The following FILIP1 variants were observed in gnomAD, a reference collection of about 807,000 sequenced individuals.
FILIP1 encodes filamin-A-interacting protein 1.
A neutral mutation model predicts 102.1 loss-of-function variants in FILIP1; 61 were observed. The observed-to-expected ratio is 0.60, with a 90% CI of 0.49 to 0.74. FILIP1 has a LOEUF of 0.74. Among genes scored for constraint, FILIP1 ranks in the 30% least tolerant of loss-of-function variants. The pLI is 0.00. For synonymous variants in FILIP1, 491 were observed against 526.9 expected (o/e 0.93, Z 0.93); for missense variants, 1,314 against 1,441.2 (o/e 0.91, Z 1.43).
rs774954276 is a variant in FILIP1 at position 75,414,929 on chromosome 6, T to C, written c.44A>G (p.His15Arg). Residue 15 changes from histidine to arginine, a missense_variant, in exon 2 of 6, where the codon CAT (histidine) becomes CGT (arginine). Physicochemically the swap from His to Arg is conservative, Grantham distance 29 (BLOSUM62 0). Around this residue, in one of 3 missense-constraint regions of FILIP1, gnomAD observed 494 missense variants for 511.2 expected, o/e 0.97. Coordinates refer to ENST00000237172, the MANE Select transcript of FILIP1 (RefSeq NM_015687.5). ...GATGGAGGGCTTGGGACAGGAGATA[T>C]GCCCATCAGATGCACTTTCACCACC... ...NQGGESASDG[H>R]ISCPKPSIIG... 3.7e-6 allele frequency: 6 copies of C among 1,613,762 alleles called. No individual in the cohort carries two copies. Among genetic ancestry groups the C allele is most frequent in the East Asian group, 2.2e-5 (1 of 44,876 alleles).
chr6:75,436,854 T>C (rs896842542), intron 1 of FILIP1, among the ~76,000 whole-genome samples: 1 of 152,212 alleles, frequency 6.6e-6, no homozygotes, highest in Non-Finnish European at 1.5e-5. Context: ...AAGGACTTGA[T>C]TGGTAGCATT....
At chr6:75,436,367 G>GA (rs1055766327) in intron 1 of FILIP1, among the ~76,000 whole-genome samples, 228 of 146,962 alleles carry the variant, frequency 1.6e-3, no homozygotes, top group Non-Finnish European at 2.6e-3. Context: ...CCTGTCTCAG[G>GA]AAAAAAAAAA....
intron 1 of FILIP1, among the ~76,000 whole-genome samples, chr6:75,461,894 A>G (rs1358836392): frequency 6.6e-6 from 1 of 152,166 alleles, no homozygotes; most frequent in Admixed American, 6.5e-5. Flanking sequence ...GGCAATAGGA[A>G]GTATTTTCTC....
intron 4 of FILIP1, among the ~76,000 whole-genome samples, chr6:75,333,408 T>C (rs1471976882): frequency 1.3e-5 from 2 of 152,120 alleles, no homozygotes; most frequent in Non-Finnish European, 2.9e-5. Flanking sequence ...ATTGTTAATC[T>C]AGAAAAAAGA....
chr6:75,362,357 T>A, intron 3 of FILIP1, among the ~76,000 whole-genome samples: 1 of 152,212 alleles, frequency 6.6e-6, no homozygotes, highest in East Asian at 1.9e-4. Context: ...TATAACCATA[T>A]CAGATAAGAT....
At chr6:75,381,398 T>G (rs541373761) in intron 2 of FILIP1, among the ~76,000 whole-genome samples, 2 of 152,108 alleles carry the variant, frequency 1.3e-5, no homozygotes, top group African/African-American at 4.8e-5. Flanking sequence ...CCCGGCTAAT[T>G]TTTGTATTTT....
chr6:75,482,384 C>T (rs1040033243), intron 1 of FILIP1, among the ~76,000 whole-genome samples: 3 of 152,192 alleles, frequency 2.0e-5, no homozygotes, highest in Non-Finnish European at 4.4e-5. Flanking sequence ...GCAGCTGTTG[C>T]TTTACCACTT....
intron 4 of FILIP1, among the ~76,000 whole-genome samples, chr6:75,322,541 C>A (rs572717178): frequency 3.9e-5 from 6 of 152,170 alleles, no homozygotes; most frequent in Non-Finnish European, 7.4e-5. Flanking sequence ...TAAAATCAAA[C>A]TTTTTCTTGG....
intron 1 of FILIP1, among the ~76,000 whole-genome samples, chr6:75,448,202 T>G (rs1194373115): frequency 6.6e-6 from 1 of 152,112 alleles, no homozygotes; most frequent in African/African-American, 2.4e-5. Flanking sequence ...TGTCATACCT[T>G]CCTCCTAGAT....
intron 2 of FILIP1, among the ~76,000 whole-genome samples, chr6:75,402,992 T>C (rs192908537): frequency 1.3e-5 from 2 of 152,266 alleles, no homozygotes; most frequent in Non-Finnish European, 1.5e-5. Flanking sequence ...TTTCTAGATA[T>C]AATGAGGCAC....
chr6:75,491,910 C>T (rs1323647283), intron 1 of FILIP1, among the ~76,000 whole-genome samples: 3 of 152,150 alleles, frequency 2.0e-5, no homozygotes, highest in Non-Finnish European at 4.4e-5. Flanking sequence ...AATTACATGC[C>T]TAGAATCAAT....
At chr6:75,325,462 C>T (rs1562460894) in intron 4 of FILIP1, among the ~76,000 whole-genome samples, 2 of 152,140 alleles carry the variant, frequency 1.3e-5, no homozygotes, top group African/African-American at 4.8e-5. Context: ...AAACATCCCA[C>T]AGAGTGGGAG....
chr6:75,443,258 C>A (rs1314064631), intron 1 of FILIP1, among the ~76,000 whole-genome samples: 1 of 151,868 alleles, frequency 6.6e-6, no homozygotes, highest in Non-Finnish European at 1.5e-5. Context: ...ATAATCAAGC[C>A]AAAACAATCA....
chr6:75,465,413 A>G (rs1562639275), intron 1 of FILIP1: 5 of 619,878 alleles, frequency 8.1e-6, no homozygotes, highest in Admixed American at 2.7e-5. Context: ...ACTAGCTCCA[A>G]TGAAGTGGTG....
At chr6:75,302,896 T>A (rs1049847347) in intron 6 of FILIP1, among the ~76,000 whole-genome samples, 1 of 152,144 alleles carries the variant, frequency 6.6e-6, no homozygotes, top group Non-Finnish European at 1.5e-5. Context: ...TTTGGAAAAC[T>A]GCAAGAATGA....
chr6:75,422,607 T>A (rs1033479913), intron 1 of FILIP1, among the ~76,000 whole-genome samples: 1 of 152,172 alleles, frequency 6.6e-6, no homozygotes, highest in African/African-American at 2.4e-5. Flanking sequence ...TTAGGCATTA[T>A]CTCAGCAGTC....
At chr6:75,488,656 A>T (rs867713139) in intron 1 of FILIP1, among the ~76,000 whole-genome samples, 1 of 152,112 alleles carries the variant, frequency 6.6e-6, no homozygotes, top group African/African-American at 2.4e-5. Flanking sequence ...TTTTGCCTCA[A>T]CTTTTAGAGA....
Position 75,362,813 on chromosome 6 carries a change from C to G in FILIP1, c.381G>C (p.Leu127=). Reference sequence around the variant, plus strand: ...CCTGGGCAAGAATGGCATCTCGGTGCAGGACCCGCAGCACTTTCTCTGGCT... The same window carrying G: ...CCTGGGCAAGAATGGCATCTCGGTGGAGGACCCGCAGCACTTTCTCTGGCT... ...SAEPEKVLRV[L]HRDAILAQEK... The change falls in exon 3 of 6, where the codon CTG becomes CTC. Residue 127 remains leucine (L), a synonymous_variant. Transcript: ENST00000237172. The G allele has an allele frequency of 6.2e-7, 1 of 1,613,842 alleles. No homozygotes were observed. The highest frequency in any genetic ancestry group is 8.5e-7 in the Non-Finnish European group (1 of 1,180,010).
chr6:75,389,629 A>G (rs1776216827), intron 2 of FILIP1, among the ~76,000 whole-genome samples: 1 of 152,076 alleles, frequency 6.6e-6, no homozygotes. Flanking sequence ...GAATTTATCA[A>G]TTTCCTCTAG....
Sources: allele counts gnomAD v4.1 joint callset (sites outside exome capture counted in the v4.1 genomes callset), GRCh38; gene constraint gnomAD v4.1.1; regional missense constraint gnomAD v4.1.1; transcripts MANE v1.5; gene names NCBI Gene and HGNC (gene_info 2026-07-23, HGNC 2026-07-21).